CAST: variants seen among roughly 807,000 people sequenced by gnomAD.
The protein encoded by CAST is calpastatin, also known as MIR583 host.
Under a neutral mutation model 119.6 loss-of-function variants are expected in CAST, and 76 were observed. The observed-to-expected ratio is 0.64, with a 90% CI of 0.53 to 0.77. CAST has a LOEUF of 0.77. CAST is among the 30% of genes least tolerant of loss of function. The pLI is 0.00. For missense variants in CAST, 953 were observed against 946.5 expected, an observed-to-expected ratio of 1.01 and a Z score of -0.09; for synonymous variants, 319 against 331.6, an observed-to-expected ratio of 0.96 and a Z score of 0.41.
At chr5:96,078,216 T>C in the CAST span, among the ~76,000 whole-genome samples, 2 of 152,098 alleles carry the variant, frequency 1.3e-5, no homozygotes, top group African/African-American at 2.4e-5. Flanking sequence ...AGGCCCCATC[T>C]CTAGACACCA....
At chr5:96,420,787 A>AAGAGAGAG in the CAST span, among the ~76,000 whole-genome samples, 19 of 143,346 alleles carry the variant, frequency 1.3e-4, no homozygotes, top group African/African-American at 4.1e-4. Flanking sequence ...GAGAGAGAGA[A>AAGAGAGAG]AGAGAGAGAG....
In CAST at chr5:96,750,570, C is replaced by G; in HGVS notation, c.1429-17C>G. On this transcript the variant is annotated splice_polypyrimidine_tract_variant and intron_variant, in intron 19 of 31. Transcript: ENST00000675179. ...AATATTTCTAAACTTATTGAGAGTA[C>G]TTGTGTCTTTCCTCAGGAATCTAAG... is the stretch of plus-strand genomic sequence containing the variant. 1.3e-6 allele frequency: 2 copies of G among 1,559,416 alleles called. No homozygotes were observed. Among genetic ancestry groups the G allele is most frequent in the Non-Finnish European group, 1.8e-6 (2 of 1,130,666 alleles).
At chr5:96,662,646 G>T in intron 1 of CAST, 149 bp downstream of exon 1, 1 of 572,846 alleles carries the variant, frequency 1.7e-6, no homozygotes, top group Non-Finnish European at 2.2e-6. Flanking sequence ...GGGCTTGGCC[G>T]CTGCCAGGCA....
At chr5:96,412,722 A>G in the CAST span, among the ~76,000 whole-genome samples, 3 of 144,724 alleles carry the variant, frequency 2.1e-5, no homozygotes, top group Non-Finnish European at 1.5e-5. Context: ...AATACTATGC[A>G]ATACCATGCA....
chr5:96,353,570 G>T, the CAST span, among the ~76,000 whole-genome samples: 1 of 151,800 alleles, frequency 6.6e-6, no homozygotes, highest in South Asian at 2.1e-4. Flanking sequence ...ATGTGAGTGT[G>T]CATCATCCAG....
At chr5:96,032,081 C>T in the CAST span, among the ~76,000 whole-genome samples, 1 of 152,126 alleles carries the variant, frequency 6.6e-6, no homozygotes. Context: ...GTGCCCTAAC[C>T]TTTGAAGTCA....
the CAST span, among the ~76,000 whole-genome samples, chr5:95,984,448 A>C: frequency 7.9e-4 from 120 of 152,324 alleles, no homozygotes; most frequent in Non-Finnish European, 1.5e-3. Flanking sequence ...AGCTTACAGT[A>C]AGTGACCTAA....
At chr5:96,138,838 G>A in the CAST span, among the ~76,000 whole-genome samples, 13 of 151,478 alleles carry the variant, frequency 8.6e-5, no homozygotes, top group Non-Finnish European at 1.0e-4. Context: ...TGTTTCTTTG[G>A]GATTTTCTAC....
At chr5:96,449,909 C>G in the CAST span, among the ~76,000 whole-genome samples, 1 of 152,272 alleles carries the variant, frequency 6.6e-6, no homozygotes, top group African/African-American at 2.4e-5. Context: ...CTCCTGCCAT[C>G]TTGGTATTTT....
chr5:96,223,513 C>T, the CAST span, among the ~76,000 whole-genome samples: 1 of 152,164 alleles, frequency 6.6e-6, no homozygotes, highest in Non-Finnish European at 1.5e-5. Flanking sequence ...GGATTGCCAG[C>T]AACCATCAGA....
rs568711440 is a variant in CAST, at chr5:96,774,563, G to A, written c.*1947G>A. The A allele has an allele frequency of 1.0e-6, 1 of 985,314 alleles. No individual in the cohort carries two copies. The highest frequency in any genetic ancestry group is 1.2e-6 in the Non-Finnish European group (1 of 829,624). The allele number at this position is 985,314 out of a possible 1,614,324, so 61.0% of individuals were successfully genotyped here. A position where few individuals can be genotyped will look rare whatever the true frequency, so the allele number is the denominator to read the frequency against. On this transcript the variant is annotated 3_prime_UTR_variant, in exon 32 of 32. Transcript: ENST00000675179. ...GCAATATTGTATCTGTTTAGAAAAT[G>A]GGCTTTTCCAAAAGCAAACAAAGAT...
intron 1 of CAST, among the ~76,000 whole-genome samples, chr5:96,530,727 G>T (rs1380249668): frequency 6.6e-6 from 1 of 152,084 alleles, no homozygotes; most frequent in African/African-American, 2.4e-5. Flanking sequence ...TCAGAATGGT[G>T]GAATGATGAG....
rs578104797 is a variant in CAST at position 96,586,256 on chromosome 5, C to T, written c.60+56376C>T. The stretch of plus-strand genomic sequence containing the variant: ...GTTAGTAACTACTTGTGAATGGCTC[C>T]TTTTTTTTCCCCTGTGGCTAGAAAT... On this transcript the variant is annotated intron_variant, in intron 1 of 11. Coordinates refer to the CAST transcript ENST00000505143. 3.9e-5 allele frequency among the ~76,000 whole-genome samples: 6 copies of T among 152,120 alleles called. No individual in the cohort carries two copies. The South Asian group carries it at 1.2e-3, about 32-fold the overall frequency.
At chr5:96,366,083 A>C in the CAST span, among the ~76,000 whole-genome samples, 1 of 152,170 alleles carries the variant, frequency 6.6e-6, no homozygotes, top group Non-Finnish European at 1.5e-5. Context: ...TCCTTTGCTT[A>C]TGAAGCTTAG....
At chr5:96,111,550 C>A in the CAST span, among the ~76,000 whole-genome samples, 1 of 152,166 alleles carries the variant, frequency 6.6e-6, no homozygotes, top group African/African-American at 2.4e-5. Context: ...TCAAGACTCA[C>A]CTCATTAGCA....
the CAST span, among the ~76,000 whole-genome samples, chr5:96,008,161 A>G: frequency 1.3e-5 from 2 of 152,204 alleles, no homozygotes; most frequent in African/African-American, 4.8e-5. Flanking sequence ...TTGTTATAGC[A>G]ACCTGAGCTA....
At chr5:96,646,781 A>G (rs574877476) in intron 1 of CAST, among the ~76,000 whole-genome samples, 32 of 152,314 alleles carry the variant, frequency 2.1e-4, no homozygotes, top group African/African-American at 5.1e-4. Context: ...TAGATATCCA[A>G]TAAAAAATAA....
intron 2 of CAST, among the ~76,000 whole-genome samples, chr5:96,685,918 G>T (rs184973373): frequency 6.6e-6 from 1 of 152,196 alleles, no homozygotes; most frequent in African/African-American, 2.4e-5. Flanking sequence ...AGCATGGTGC[G>T]TAGCACACAT....
the CAST span, chr5:96,390,877 G>A: frequency 2.0e-5 from 3 of 152,582 alleles, no homozygotes; most frequent in African/African-American, 7.2e-5. Flanking sequence ...AAAGCTTCTT[G>A]AGAGTGAACC....
Sources: gnomAD v4.1 joint callset for allele counts (sites outside exome capture counted in the v4.1 genomes callset) on GRCh38, gnomAD v4.1.1 for gene constraint, MANE v1.5 for transcripts, NCBI Gene and HGNC (gene_info 2026-07-23, HGNC 2026-07-21) for gene names.